N4BP2L2: variants seen among roughly 807,000 people sequenced by gnomAD.
N4BP2L2 encodes the protein NEDD4 binding protein 2 like 2.
A neutral mutation model predicts 56.2 loss-of-function variants in N4BP2L2; 50 were observed. The ratio of observed to expected loss-of-function variants is 0.89; its 90% CI spans 0.71 to 1.13. The LOEUF (loss-of-function observed/expected upper bound fraction) is 1.13, where lower values mean the gene tolerates loss of function less well. N4BP2L2 is among the 50% of genes most tolerant of loss of function. The pLI, the probability that N4BP2L2 is intolerant of heterozygous loss-of-function variation, is 0.00. For missense variants in N4BP2L2, 689 were observed against 693.8 expected, an observed-to-expected ratio of 0.99 and a Z score of 0.08; for synonymous variants, 203 against 223.6, an observed-to-expected ratio of 0.91 and a Z score of 0.82.
chr13:32,460,560 C>T (rs1386381135), intron 6 of N4BP2L2, among the ~76,000 whole-genome samples: 1 of 151,964 alleles, frequency 6.6e-6, no homozygotes, highest in Non-Finnish European at 1.5e-5. Context: ...ATAATACCTA[C>T]ACACACAAAA....
intron 6 of N4BP2L2, among the ~76,000 whole-genome samples, chr13:32,466,602 G>A (rs1162208483): frequency 6.6e-6 from 1 of 152,024 alleles, no homozygotes; most frequent in East Asian, 1.9e-4. Flanking sequence ...TGAGTTTATA[G>A]TAAGTTCAAA....
chr13:32,498,950 T>A (rs975933856), intron 6 of N4BP2L2, among the ~76,000 whole-genome samples: 1 of 132,702 alleles, frequency 7.5e-6, no homozygotes, highest in Non-Finnish European at 1.5e-5. Flanking sequence ...GATTGTGCCA[T>A]TGCACTCCAG....
chr13:32,452,364 A>AC (rs2078241444), intron 6 of N4BP2L2, among the ~76,000 whole-genome samples: 1 of 152,028 alleles, frequency 6.6e-6, no homozygotes, highest in African/African-American at 2.4e-5. Flanking sequence ...CCCAGCCAGC[A>AC]CCTCCAGCTT....
At chr13:32,499,630 G>C (rs2089573642) in intron 6 of N4BP2L2, among the ~76,000 whole-genome samples, 1 of 152,082 alleles carries the variant, frequency 6.6e-6, no homozygotes, top group African/African-American at 2.4e-5. Flanking sequence ...CACTGTTCTT[G>C]CATGGACTCC....
chr13:32,476,625 T>C (rs1017014706), intron 6 of N4BP2L2, among the ~76,000 whole-genome samples: 3 of 152,088 alleles, frequency 2.0e-5, no homozygotes, highest in Non-Finnish European at 4.4e-5. Context: ...GGCTCAAAAA[T>C]ACTGATACAA....
At chr13:32,517,901 T>G (rs760017120) in exon 6 of N4BP2L2, 1 of 1,614,142 alleles carries the variant, frequency 6.2e-7, no homozygotes, top group East Asian at 2.2e-5. Context: ...TGCTTTTGTG[T>G]GATGGTTCCA....
At chr13:32,443,049 T>C (rs776682857) in exon 7 of N4BP2L2, 3 of 1,607,448 alleles carry the variant, frequency 1.9e-6, no homozygotes. Flanking sequence ...CAAAATTTGG[T>C]ACCAAATTGA....
chr13:32,447,581 C>T (rs188733654), intron 6 of N4BP2L2, among the ~76,000 whole-genome samples: 46 of 152,250 alleles, frequency 3.0e-4, no homozygotes, highest in African/African-American at 1.1e-3. Context: ...CTTACTGCAA[C>T]ATAAAAGTCT....
At chr13:32,494,087 C>T (rs908011633) in intron 6 of N4BP2L2, among the ~76,000 whole-genome samples, 2 of 151,816 alleles carry the variant, frequency 1.3e-5, no homozygotes, top group Non-Finnish European at 2.9e-5. Flanking sequence ...AGCCTGCTAA[C>T]ATGGTGAAAC....
chr13:32,476,040 G>A (rs905793153), intron 6 of N4BP2L2, among the ~76,000 whole-genome samples: 1 of 152,190 alleles, frequency 6.6e-6, no homozygotes, highest in Non-Finnish European at 1.5e-5. Context: ...TTCCAGGAAT[G>A]TAGTAAGTAG....
At chr13:32,472,779 G>A (rs931139700) in intron 6 of N4BP2L2, among the ~76,000 whole-genome samples, 1 of 152,132 alleles carries the variant, frequency 6.6e-6, no homozygotes, top group Non-Finnish European at 1.5e-5. Flanking sequence ...AGTGAAAATA[G>A]CCTGGCAGAC....
At chr13:32,496,368 C>CA (rs1260804133) in intron 6 of N4BP2L2, among the ~76,000 whole-genome samples, 1 of 151,992 alleles carries the variant, frequency 6.6e-6, no homozygotes, top group Non-Finnish European at 1.5e-5. Flanking sequence ...TTAAGACCAC[C>CA]GCCTTACAAT....
exon 7 of N4BP2L2, chr13:32,443,544 G>A (rs781438418): frequency 6.2e-7 from 1 of 1,610,396 alleles, no homozygotes; most frequent in East Asian, 2.2e-5. Flanking sequence ...GTTCATGTGA[G>A]AGATTTTTAT....
chr13:32,499,533 C>T (rs900433852), intron 6 of N4BP2L2, among the ~76,000 whole-genome samples: 14 of 152,160 alleles, frequency 9.2e-5, no homozygotes, highest in African/African-American at 2.9e-4. Flanking sequence ...TTCTCATGAT[C>T]GCCAAAAGCT....
chr13:32,521,701 C>G (rs950363698), intron 4 of N4BP2L2: 7 of 357,046 alleles, frequency 2.0e-5, no homozygotes, highest in Non-Finnish European at 3.0e-5. Context: ...TGAGGCTGGG[C>G]GTGGTGGCTC....
chr13:32,446,614 T>C (rs973237897), intron 6 of N4BP2L2: 1 of 1,021,494 alleles, frequency 9.8e-7, no homozygotes, highest in African/African-American at 1.7e-5. Flanking sequence ...ATGCACTTAA[T>C]GTATAGTCAC....
At chr13:32,462,270 A>G (rs1198582189) in intron 6 of N4BP2L2, among the ~76,000 whole-genome samples, 1 of 152,246 alleles carries the variant, frequency 6.6e-6, no homozygotes, top group Non-Finnish European at 1.5e-5. Flanking sequence ...CATAGAAAAA[A>G]TAATGAAATC....
chr13:32,441,982 A>C (rs1362320646), intron 7 of N4BP2L2, among the ~76,000 whole-genome samples: 1 of 152,162 alleles, frequency 6.6e-6, no homozygotes, highest in Admixed American at 6.5e-5. Flanking sequence ...AGGCTGAGGC[A>C]GGAGAATGGC....
intron 2 of N4BP2L2, among the ~76,000 whole-genome samples, chr13:32,528,739 A>G (rs1952994): frequency 0.078 from 11,938 of 152,152 alleles, 574 homozygotes; most frequent in East Asian, 0.21. Context: ...GAAGGAATTG[A>G]GAGTAAAAGA....
Sources: allele counts gnomAD v4.1 joint callset (sites outside exome capture counted in the v4.1 genomes callset), GRCh38; gene constraint gnomAD v4.1.1; transcripts MANE v1.5; gene names NCBI Gene and HGNC (gene_info 2026-07-23, HGNC 2026-07-21).